Variants in PIEZO2 observed in about 807,000 individuals in gnomAD.
PIEZO2 encodes piezo type mechanosensitive ion channel component 2, also known as piezo-type mechanosensitive ion channel component 2.
Under a neutral mutation model 337.3 loss-of-function variants are expected in PIEZO2, and 172 were observed. That is an observed-to-expected ratio of 0.51 (90% CI 0.45 to 0.58). PIEZO2 has a LOEUF of 0.58. Among genes scored for constraint, PIEZO2 ranks in the 20% least tolerant of loss-of-function variants. The pLI is 0.00. For missense variants in PIEZO2, 3,028 were observed against 3,391.3 expected, an observed-to-expected ratio of 0.89 and a Z score of 2.66; for synonymous variants, 1,251 against 1,228.5, an observed-to-expected ratio of 1.02 and a Z score of -0.38.
rs145194122 is a variant in PIEZO2 at position 10,830,100 on chromosome 18, A to C, written c.918-22826T>G. Among the ~76,000 whole-genome samples the C allele has an allele frequency of 3.5e-3, 526 of 152,282 alleles. 5 individuals carry two copies. The highest frequency in any genetic ancestry group is 0.012 in the African/African-American group (489 of 41,570). On this transcript the variant is annotated intron_variant, in intron 7 of 55. Coordinates refer to ENST00000674853, the MANE Select transcript of PIEZO2 (RefSeq NM_001378183.1). The surrounding 1 kb of genome is among the most constrained non-coding windows in gnomAD (Gnocchi z 4.7). ...ATGGTACTGGCATAAAAACAGACAC[A>C]CAGACCAATGGAACAGAATAGGGAA...
At chr18:10,701,816 C>T in intron 43 of PIEZO2, 173 bp downstream of exon 43, 1 of 485,504 alleles carries the variant, frequency 2.1e-6, no homozygotes, top group Non-Finnish European at 3.3e-6. Context: ...ATGAACTTAA[C>T]CTTTTTCTTT....
At chr18:10,770,810 T>A (rs1028954237) in intron 20 of PIEZO2, among the ~76,000 whole-genome samples, 4 of 138,080 alleles carry the variant, frequency 2.9e-5, no homozygotes, top group African/African-American at 1.1e-4. Flanking sequence ...TGGCACAATC[T>A]CGGCTCACTG....
intron 2 of PIEZO2, among the ~76,000 whole-genome samples, chr18:11,040,001 T>C (rs1178394491): frequency 1.3e-5 from 2 of 152,032 alleles, no homozygotes; most frequent in African/African-American, 2.4e-5. Flanking sequence ...TTGGATAAAC[T>C]GTAGTCCAGA....
chr18:10,843,949 T>C (rs1683379), intron 7 of PIEZO2, among the ~76,000 whole-genome samples: 48,568 of 152,104 alleles, frequency 0.32, 8,417 homozygotes, highest in East Asian at 0.65. Context: ...TACCACGAAG[T>C]TGTTCTGGAA....
intron 2 of PIEZO2, among the ~76,000 whole-genome samples, chr18:11,040,620 T>C (rs2037087855): frequency 6.6e-6 from 1 of 152,226 alleles, no homozygotes. Flanking sequence ...ATATGATCTA[T>C]GTACCTGCAT....
chr18:11,133,863 C>T (rs1030900777), intron 1 of PIEZO2, among the ~76,000 whole-genome samples: 1 of 150,976 alleles, frequency 6.6e-6, no homozygotes, highest in Non-Finnish European at 1.5e-5. Context: ...TTAATAAACT[C>T]CTCTCTCTCT....
intron 39 of PIEZO2, among the ~76,000 whole-genome samples, chr18:10,712,809 T>G (rs2035871034): frequency 1.3e-5 from 2 of 152,280 alleles, no homozygotes; most frequent in Non-Finnish European, 2.9e-5. Flanking sequence ...TCAGTCATTT[T>G]ATTCTATGAA....
rs901531187 is a variant in PIEZO2, at chr18:10,859,111, C to A, written c.493-1900G>T. On this transcript the variant is annotated intron_variant, in intron 5 of 55. Transcript: ENST00000674853. This position sits in a 1 kb window ranked among gnomAD's most constrained non-coding sequence, Gnocchi z 4.9. Reference sequence around the variant, plus strand: ...GTAGTGATAAACTGGGTGGCTGTTTCCGATTCAGAGGTCAAGGAAAGCCTC... The same window carrying A: ...GTAGTGATAAACTGGGTGGCTGTTTACGATTCAGAGGTCAAGGAAAGCCTC... 1.3e-5 allele frequency among the ~76,000 whole-genome samples: 2 copies of A among 152,112 alleles called. No individual in the cohort carries two copies. The highest frequency in any genetic ancestry group is 2.4e-5 in the African/African-American group (1 of 41,416).
At chr18:10,873,583 A>G (rs540441987) in intron 4 of PIEZO2, among the ~76,000 whole-genome samples, 87 of 151,112 alleles carry the variant, frequency 5.8e-4, no homozygotes, top group African/African-American at 1.8e-3. Flanking sequence ...CAACTCATTG[A>G]TGATTTATTT....
At position 11,066,226 on chromosome 18, in the gene PIEZO2, TG is replaced by T. The variant is rs765621525; in HGVS notation, c.65-5del. ...CCATTGTATCGGAATGCACATGCTG[TG>T]GGTGGGAAGAGAGAAGAGAGTGAGA... On this transcript the variant is annotated splice_region_variant and splice_polypyrimidine_tract_variant and intron_variant, in intron 1 of 55. Coordinates refer to ENST00000674853, the MANE Select transcript of PIEZO2 (RefSeq NM_001378183.1). 10 of 1,533,084 alleles carry T rather than the reference TG, an allele frequency of 6.5e-6. No individual in the cohort carries two copies. The South Asian group carries it at 1.1e-4, about 16-fold the overall frequency. 95.0% of individuals were successfully genotyped at this position (1,533,084 alleles called of 1,614,324 possible).
At chr18:10,955,307 C>T (rs2033469810) in intron 3 of PIEZO2, among the ~76,000 whole-genome samples, 1 of 152,124 alleles carries the variant, frequency 6.6e-6, no homozygotes, top group Non-Finnish European at 1.5e-5. Context: ...AAAACGAAAA[C>T]AGAAGAGCAA....
Position 10,704,643 on chromosome 18 carries a change from G to A in PIEZO2, c.6009C>T (p.His2003=), listed in dbSNP as rs866759573. The part of the protein sequence containing the change: ...ASELLLKKMF[H]DDELEESEKF... ...TCTCTGACTCTTCAAGCTCATCGTCGTGAAACATCCTGTTAAAGCAAACCA... is the reference window on the plus strand; with the variant it reads ...TCTCTGACTCTTCAAGCTCATCGTCATGAAACATCCTGTTAAAGCAAACCA... Residue 2003 remains histidine (H), a synonymous_variant, in exon 42 of 56, where the codon CAC becomes CAT. Coordinates refer to ENST00000674853, the MANE Select transcript of PIEZO2 (RefSeq NM_001378183.1). 13 of 1,536,200 alleles carry A rather than the reference G, an allele frequency of 8.5e-6. No individual in the cohort carries two copies. The highest frequency in any genetic ancestry group is 2.0e-5 in the Admixed American group (1 of 50,970).
intron 18 of PIEZO2, 85 bp from the exon 19 acceptor site, chr18:10,774,123 C>G (rs975249832): frequency 3.7e-5 from 26 of 693,534 alleles, no homozygotes; most frequent in Non-Finnish European, 6.3e-5. Flanking sequence ...ACATATCATG[C>G]TACATATCAT....
At chr18:10,804,118 A>G in intron 8 of PIEZO2, 124 bp from the exon 9 acceptor site, 1 of 1,172,152 alleles carries the variant, frequency 8.5e-7, no homozygotes, top group South Asian at 1.7e-5. Context: ...TGTTTACAAT[A>G]TACAGGATTT....
At chr18:10,710,806 A>G (rs2035790754) in intron 39 of PIEZO2, among the ~76,000 whole-genome samples, 2 of 152,214 alleles carry the variant, frequency 1.3e-5, no homozygotes, top group Admixed American at 1.3e-4. Context: ...CTACCTTTCC[A>G]GCAATCAGCA....
At chr18:10,933,520 C>T (rs764093462) in intron 3 of PIEZO2, among the ~76,000 whole-genome samples, 12 of 152,202 alleles carry the variant, frequency 7.9e-5, no homozygotes, top group East Asian at 3.9e-4. Flanking sequence ...GTCCCGCTAC[C>T]GTGGGAATAC....
chr18:10,818,916 C>G (rs1437118187), intron 7 of PIEZO2, among the ~76,000 whole-genome samples: 1 of 152,066 alleles, frequency 6.6e-6, no homozygotes, highest in Admixed American at 6.6e-5. Context: ...TTAATGGAAA[C>G]AGGAATAAAA....
At chr18:11,019,432 T>C (rs768228860) in intron 2 of PIEZO2, among the ~76,000 whole-genome samples, 3 of 152,218 alleles carry the variant, frequency 2.0e-5, no homozygotes, top group Non-Finnish European at 4.4e-5. Flanking sequence ...CTGGAACAGG[T>C]AACTCTTTCC....
At chr18:10,683,685 G>A (rs373560642) in intron 49 of PIEZO2, among the ~76,000 whole-genome samples, 1 of 152,164 alleles carries the variant, frequency 6.6e-6, no homozygotes, top group Non-Finnish European at 1.5e-5. Flanking sequence ...GCAAACAAGT[G>A]TATAGATTTG....
Sources: allele counts gnomAD v4.1 joint callset (sites outside exome capture counted in the v4.1 genomes callset), GRCh38; gene constraint gnomAD v4.1.1; non-coding constraint Gnocchi (gnomAD v3.1); transcripts MANE v1.5; gene names NCBI Gene and HGNC (gene_info 2026-07-23, HGNC 2026-07-21).